The following ASIC2 variants were observed in gnomAD, a reference collection of about 807,000 sequenced individuals.
ASIC2 encodes acid-sensing ion channel 2.
ASIC2 carries 25 observed loss-of-function variants against 57.3 expected under a neutral mutation model. The ratio of observed to expected loss-of-function variants is 0.44; its 90% CI spans 0.32 to 0.61. The LOEUF (loss-of-function observed/expected upper bound fraction) is 0.61, where lower values mean the gene tolerates loss of function less well. Among genes scored for constraint, ASIC2 ranks in the 20% least tolerant of loss-of-function variants. The pLI is 0.06. For missense variants in ASIC2, 641 were observed against 738.1 expected (o/e 0.87, Z 1.52); for synonymous variants, 319 against 307.5 (o/e 1.04, Z -0.39).
intron 1 of ASIC2, among the ~76,000 whole-genome samples, chr17:33,615,475 A>G (rs1273774211): frequency 6.6e-6 from 1 of 152,246 alleles, no homozygotes; most frequent in East Asian, 1.9e-4. Flanking sequence ...AGCTAAAACC[A>G]AGATATTTAT....
At chr17:33,044,829 G>A (rs995588736) in intron 3 of ASIC2, among the ~76,000 whole-genome samples, 7 of 152,194 alleles carry the variant, frequency 4.6e-5, no homozygotes, top group Non-Finnish European at 1.0e-4. Context: ...CAGGCGTAGT[G>A]GGGGCACTGA....
intron 1 of ASIC2, among the ~76,000 whole-genome samples, chr17:33,282,887 A>T (rs1315719245): frequency 6.6e-6 from 1 of 152,206 alleles, no homozygotes; most frequent in Non-Finnish European, 1.5e-5. Flanking sequence ...CAGATAACCC[A>T]GGATATTCTC....
chr17:33,090,645 G>A (rs2092154170), intron 2 of ASIC2, among the ~76,000 whole-genome samples: 1 of 152,156 alleles, frequency 6.6e-6, no homozygotes, highest in African/African-American at 2.4e-5. Context: ...TGTGGCTTGG[G>A]GAGGGTTTGG....
intron 1 of ASIC2, among the ~76,000 whole-genome samples, chr17:33,939,580 G>C (rs1916140258): frequency 6.6e-6 from 1 of 151,234 alleles, no homozygotes; most frequent in Non-Finnish European, 1.5e-5. Flanking sequence ...ACAGAGTGCA[G>C]GCTCTTCCAA....
chr17:33,418,028 A>ATGTGTGTGTGTGTGTGTGTG (rs1161141315), intron 1 of ASIC2, among the ~76,000 whole-genome samples: 1 of 67,748 alleles, frequency 1.5e-5, no homozygotes, highest in African/African-American at 3.7e-5. Context: ...GCATGTATGT[A>ATGTGTGTGTGTGTGTGTGTG]TGTGTGTGTG....
At chr17:33,194,636 T>TCCAGATTGGGATATCAATCTGTTATTC (rs1381357962) in intron 1 of ASIC2, among the ~76,000 whole-genome samples, 1 of 151,910 alleles carries the variant, frequency 6.6e-6, no homozygotes, top group African/African-American at 2.4e-5. Flanking sequence ...CCATTACATT[T>TCCAGATTGGGATATCAATCTGTTATTC]CCAGATTGGG....
intron 1 of ASIC2, among the ~76,000 whole-genome samples, chr17:33,400,237 G>A (rs1234726030): frequency 6.6e-6 from 1 of 152,234 alleles, no homozygotes; most frequent in Non-Finnish European, 1.5e-5. Flanking sequence ...TTCTCTGTGT[G>A]TGAGGTGCCA....
intron 1 of ASIC2, among the ~76,000 whole-genome samples, chr17:33,253,901 C>T (rs1004258902): frequency 2.6e-5 from 4 of 152,146 alleles, no homozygotes; most frequent in Non-Finnish European, 4.4e-5. Context: ...CTCCAACCCA[C>T]CCAGGCTCTC....
At chr17:33,277,488 G>C (rs16968205) in intron 1 of ASIC2, among the ~76,000 whole-genome samples, 4,545 of 152,262 alleles carry the variant, frequency 0.03, 231 homozygotes, top group African/African-American at 0.1. Context: ...GATAACAGAC[G>C]TGAAAGATGT....
chr17:34,068,266 G>C (rs931355254), intron 1 of ASIC2, among the ~76,000 whole-genome samples: 2 of 152,200 alleles, frequency 1.3e-5, no homozygotes, highest in African/African-American at 4.8e-5. Context: ...AAGGGAATGA[G>C]AGAAGGGGAC....
chr17:34,109,429 T>A (rs1409289355), intron 1 of ASIC2, among the ~76,000 whole-genome samples: 1 of 152,178 alleles, frequency 6.6e-6, no homozygotes, highest in Non-Finnish European at 1.5e-5. Context: ...TCTACGTACA[T>A]GTATGTTCCA....
At chr17:33,303,421 G>A (rs1202901316) in intron 1 of ASIC2, among the ~76,000 whole-genome samples, 1 of 152,158 alleles carries the variant, frequency 6.6e-6, no homozygotes, top group Non-Finnish European at 1.5e-5. Context: ...GAGGTTCAGG[G>A]AGGTACCCAT....
chr17:33,852,246 T>G lies in ASIC2; in HGVS notation c.555+303732A>C, dbSNP rs536716960. ...GCAATGAGGCCTTTTACCAAAGCAGTTCACTCCTTCTTGAATCTTTTAGAT... is the reference window on the plus strand; with the variant it reads ...GCAATGAGGCCTTTTACCAAAGCAGGTCACTCCTTCTTGAATCTTTTAGAT... On this transcript the variant is annotated intron_variant, in intron 1 of 9. Coordinates refer to the ASIC2 transcript ENST00000359872. Among the ~76,000 whole-genome samples the G allele has an allele frequency of 5.8e-3, 890 of 152,344 alleles. 7 individuals carry two copies. Among genetic ancestry groups the G allele is most frequent in the Non-Finnish European group, 8.0e-3 (543 of 68,026 alleles).
chr17:33,511,119 A>G (rs1028262378), intron 1 of ASIC2, among the ~76,000 whole-genome samples: 1 of 49,200 alleles, frequency 2.0e-5, no homozygotes, highest in Non-Finnish European at 4.1e-5. Flanking sequence ...CACCCCACCC[A>G]CCCCATCCAT....
chr17:33,347,790 G>T (rs2656087), intron 1 of ASIC2, among the ~76,000 whole-genome samples: 128,908 of 152,152 alleles, frequency 0.85, 54,714 homozygotes, highest in East Asian at 1. Flanking sequence ...CATGGGTAGC[G>T]GAGGCAGGGT....
chr17:33,463,837 G>T (rs1459104800), intron 1 of ASIC2, among the ~76,000 whole-genome samples: 3 of 152,202 alleles, frequency 2.0e-5, no homozygotes, highest in Non-Finnish European at 4.4e-5. Context: ...ATTTGAGAAT[G>T]TGTCTCTCCC....
upstream of ASIC2, among the ~76,000 whole-genome samples, chr17:33,294,018 A>C (rs1357154673): frequency 2.6e-5 from 4 of 152,086 alleles, no homozygotes; most frequent in South Asian, 8.3e-4. Flanking sequence ...TCAGCCTCTT[A>C]GGGACATCCC....
At chr17:33,924,860 G>T (rs1160141542) in intron 1 of ASIC2, among the ~76,000 whole-genome samples, 2 of 152,198 alleles carry the variant, frequency 1.3e-5, no homozygotes, top group African/African-American at 4.8e-5. Context: ...GGTGTGGTGG[G>T]CAGTGAAGGA....
At chr17:34,131,769 G>A (rs758116775) in intron 1 of ASIC2, among the ~76,000 whole-genome samples, 5 of 152,244 alleles carry the variant, frequency 3.3e-5, no homozygotes, top group Admixed American at 6.5e-5. Context: ...CTGCTGGGCA[G>A]GGGCCATTGC....
Sources: allele counts gnomAD v4.1 joint callset (sites outside exome capture counted in the v4.1 genomes callset), GRCh38; gene constraint gnomAD v4.1.1; transcripts MANE v1.5; gene names NCBI Gene and HGNC (gene_info 2026-07-23, HGNC 2026-07-21).